The following NTRK3 variants were observed in gnomAD, a reference collection of about 807,000 sequenced individuals.
NTRK3 encodes NT-3 growth factor receptor.
Under a neutral mutation model 91.7 loss-of-function variants are expected in NTRK3, and 24 were observed. That is an observed-to-expected ratio of 0.26 (90% CI 0.19 to 0.37). NTRK3 has a LOEUF of 0.37. NTRK3 is among the 10% of genes least tolerant of loss of function. The pLI, the probability that NTRK3 is intolerant of heterozygous loss-of-function variation, is 1.00. For synonymous variants in NTRK3, 483 were observed against 404.0 expected, an observed-to-expected ratio of 1.20 and a Z score of -2.34; for missense variants, 880 against 1,068.9, an observed-to-expected ratio of 0.82 and a Z score of 2.46.
intron 6 of NTRK3, among the ~76,000 whole-genome samples, chr15:88,139,964 A>C (rs1261087253): frequency 6.6e-6 from 1 of 152,102 alleles, no homozygotes; most frequent in Non-Finnish European, 1.5e-5. Flanking sequence ...GAAGGAAGTA[A>C]CAAAGGCAAA....
intron 3 of NTRK3, among the ~76,000 whole-genome samples, chr15:88,227,575 G>C (rs1351336999): frequency 6.6e-6 from 1 of 152,168 alleles, no homozygotes; most frequent in Non-Finnish European, 1.5e-5. Flanking sequence ...GCCAAGGAGA[G>C]AGGCCCTAGA....
At chr15:88,250,463 G>T (rs751436371) in intron 3 of NTRK3, among the ~76,000 whole-genome samples, 11 of 152,216 alleles carry the variant, frequency 7.2e-5, no homozygotes, top group Admixed American at 1.3e-4. Context: ...TGGAGATGAA[G>T]AATTTGCTAC....
At chr15:87,909,097 C>T (rs1180426317) in intron 17 of NTRK3, among the ~76,000 whole-genome samples, 1 of 152,066 alleles carries the variant, frequency 6.6e-6, no homozygotes, top group Admixed American at 6.6e-5. Flanking sequence ...TTAGGGCTAC[C>T]CAGATTCCCT....
intron 13 of NTRK3, among the ~76,000 whole-genome samples, chr15:88,044,254 CTTTTTTTT>C (rs1181028004): frequency 1.3e-5 from 1 of 78,486 alleles, no homozygotes; most frequent in African/African-American, 5.2e-5. Context: ...AGTCTATGTT[CTTTTTTTT>C]TTTTTTTTTT....
At chr15:87,972,896 A>C (rs2073373355) in intron 14 of NTRK3, among the ~76,000 whole-genome samples, 1 of 152,114 alleles carries the variant, frequency 6.6e-6, no homozygotes, top group South Asian at 2.1e-4. Context: ...TTTGATACCA[A>C]ATCTGAGCCA....
At chr15:87,889,158 G>A (rs2065716287) in intron 17 of NTRK3, among the ~76,000 whole-genome samples, 1 of 152,122 alleles carries the variant, frequency 6.6e-6, no homozygotes, top group South Asian at 2.1e-4. Context: ...CCCTGGGCAA[G>A]TCATTTTTCC....
intron 13 of NTRK3, among the ~76,000 whole-genome samples, chr15:88,052,136 A>G (rs1473341205): frequency 1.3e-5 from 2 of 152,218 alleles, no homozygotes; most frequent in Non-Finnish European, 2.9e-5. Context: ...TTCCATACAT[A>G]AAGGGGAAAT....
intron 5 of NTRK3, among the ~76,000 whole-genome samples, chr15:88,173,653 C>G (rs964605099): frequency 6.6e-6 from 1 of 152,240 alleles, no homozygotes; most frequent in Non-Finnish European, 1.5e-5. Context: ...GCACTCCCTT[C>G]GTGGTCTCCC....
At chr15:88,161,194 G>C (rs1252332094) in intron 5 of NTRK3, among the ~76,000 whole-genome samples, 2 of 152,148 alleles carry the variant, frequency 1.3e-5, no homozygotes, top group Admixed American at 1.3e-4. Context: ...CTTAAATATT[G>C]CAACAACCCT....
intron 13 of NTRK3, among the ~76,000 whole-genome samples, chr15:88,123,820 G>A (rs756313426): frequency 6.6e-6 from 1 of 152,220 alleles, no homozygotes; most frequent in Non-Finnish European, 1.5e-5. Context: ...AGAGGTTATG[G>A]AGACCAAGGT....
At chr15:87,910,892 A>T (rs1263489335) in intron 17 of NTRK3, among the ~76,000 whole-genome samples, 1 of 152,244 alleles carries the variant, frequency 6.6e-6, no homozygotes, top group Non-Finnish European at 1.5e-5. Context: ...AGAAATTTAA[A>T]TTTGGTCGTG....
chr15:88,236,180 A>G (rs1021537496), intron 3 of NTRK3, among the ~76,000 whole-genome samples: 6 of 152,326 alleles, frequency 3.9e-5, no homozygotes, highest in Middle Eastern at 3.4e-3. Flanking sequence ...AATACTCCAA[A>G]ACTAGAAACA....
chr15:87,914,291 T>C (rs2141772815), intron 17 of NTRK3, among the ~76,000 whole-genome samples: 2 of 152,336 alleles, frequency 1.3e-5, no homozygotes, highest in Middle Eastern at 6.8e-3. Context: ...TTTTAATTAT[T>C]GTGAGACCTT....
chr15:88,039,693 A>G (rs1013609842), intron 13 of NTRK3, among the ~76,000 whole-genome samples: 1 of 152,228 alleles, frequency 6.6e-6, no homozygotes, highest in Non-Finnish European at 1.5e-5. Flanking sequence ...CATAAATTTA[A>G]TTTCCTCAGC....
rs1256772670 is a variant in NTRK3, at chr15:88,216,166, G to A, written c.249-31867C>T. 4.6e-5 allele frequency among the ~76,000 whole-genome samples: 7 copies of A among 152,300 alleles called. No homozygotes were observed. In the East Asian group the frequency reaches 1.4e-3, roughly 29 times the overall value. The stretch of plus-strand genomic sequence containing the variant: ...TTTAAGCCAGGATTAAATAAGGGGT[G>A]AGAGCGAGTTGTTATGTTGTAGCTC... On this transcript the variant is annotated intron_variant, in intron 3 of 18. Transcript: ENST00000394480.
chr15:88,173,373 C>T (rs764682382), intron 5 of NTRK3, among the ~76,000 whole-genome samples: 19 of 152,282 alleles, frequency 1.2e-4, no homozygotes, highest in Admixed American at 3.3e-4. Context: ...CATAATCCTG[C>T]CCGAAATGGG....
chr15:88,168,026 A>G (rs1567568823), intron 5 of NTRK3, among the ~76,000 whole-genome samples: 1 of 152,244 alleles, frequency 6.6e-6, no homozygotes, highest in Non-Finnish European at 1.5e-5. Context: ...CAAAAAGATT[A>G]GATGACTTGA....
rs568695796 is a variant in NTRK3, at chr15:88,237,639, C to T, written c.248+18267G>A. Among the ~76,000 whole-genome samples, 5 of 152,324 alleles carry T rather than the reference C, an allele frequency of 3.3e-5. No homozygotes were observed. In the East Asian group the frequency reaches 5.8e-4, roughly 18 times the overall value. On this transcript the variant is annotated intron_variant, in intron 3 of 18. Transcript: ENST00000394480. The surrounding 1 kb of genome is among the most constrained non-coding windows in gnomAD (Gnocchi z 4.0). ...CCTTCTCAGATGTTGCACTTGCTTG[C>T]GTGTGTCCTTCCCTTTATCCACCTC... is the stretch of plus-strand genomic sequence containing the variant.
At chr15:88,065,418 A>T (rs554025755) in intron 13 of NTRK3, among the ~76,000 whole-genome samples, 1 of 152,186 alleles carries the variant, frequency 6.6e-6, no homozygotes, top group Non-Finnish European at 1.5e-5. Flanking sequence ...CCTGTCCCCA[A>T]ATCAGGTGGT....
Sources: gnomAD v4.1 joint callset for allele counts (sites outside exome capture counted in the v4.1 genomes callset) on GRCh38, gnomAD v4.1.1 for gene constraint, Gnocchi (gnomAD v3.1) non-coding constraint, MANE v1.5 for transcripts, NCBI Gene and HGNC (gene_info 2026-07-23, HGNC 2026-07-21) for gene names.